The following MALAT1 variants were observed in gnomAD, a reference collection of about 807,000 sequenced individuals.
MALAT1 encodes metastasis associated lung adenocarcinoma transcript 1, also known as hepcarcin.
chr11:65,498,106 G>A lies in MALAT1; in HGVS notation n.178+241G>A, dbSNP rs562756905. The A allele has an allele frequency of 1.3e-5, 7 of 518,904 alleles. No individual in the cohort carries two copies. The East Asian group carries it at 3.3e-4, about 24-fold the overall frequency. The allele number at this position is 518,904 out of a possible 1,614,324, so 32.1% of individuals were successfully genotyped here. ...CCTAACCAGGCATAACACAGAATCT[G>A]CAAAACAAAAACCCCTAAAAAAGCA... On this transcript the variant is annotated intron_variant and non_coding_transcript_variant, in intron 1 of 3. Transcript: ENST00000619449.
At chr11:65,500,276 A>G (rs747212980) in exon 3 of MALAT1, 3 of 518,724 alleles carry the variant, frequency 5.8e-6, no homozygotes, top group African/African-American at 1.9e-5. Context: ...AATGTGAAGG[A>G]CTTTCGTAAC....
At chr11:65,499,050 T>C in exon 3 of MALAT1, 1 of 518,146 alleles carries the variant, frequency 1.9e-6, no homozygotes, top group Non-Finnish European at 3.9e-6. Flanking sequence ...GCGGTAGGCA[T>C]TGAGGCAGCC....
chr11:65,500,702 T>A (rs1436984912), exon 3 of MALAT1: 1 of 518,838 alleles, frequency 1.9e-6, no homozygotes, highest in East Asian at 5.4e-5. Flanking sequence ...GCAGGCGTTG[T>A]GCGTAGAGGA....
At chr11:65,501,134 A>G (rs546886859) in exon 3 of MALAT1, 1 of 512,146 alleles carries the variant, frequency 2.0e-6, no homozygotes, top group Non-Finnish European at 3.9e-6. Context: ...AGTTTTGTGA[A>G]TAGATGACCT....
chr11:65,500,987 T>C (rs1854533090), exon 3 of MALAT1: 1 of 512,834 alleles, frequency 1.9e-6, no homozygotes, highest in Non-Finnish European at 3.9e-6. Flanking sequence ...CCTGGAGAAA[T>C]AGTAGATGGC....
chr11:65,500,330 T>G, exon 3 of MALAT1: 2 of 518,514 alleles, frequency 3.9e-6, no homozygotes, highest in South Asian at 2.8e-5. Flanking sequence ...TTAATGTTTT[T>G]GCATTGGACT....
rs770652125 is a variant in MALAT1, at chr11:65,502,482, T to TTAAGG, written n.3748_3752dup. 7 of 489,770 alleles carry TTAAGG rather than the reference T, an allele frequency of 1.4e-5. No homozygotes were observed. The Admixed American group carries it at 1.7e-4, about 12-fold the overall frequency. 30.3% of individuals were successfully genotyped at this position (489,770 alleles called of 1,614,324 possible). On this transcript the variant is annotated non_coding_transcript_exon_variant, in exon 3 of 4. Coordinates refer to ENST00000619449, the Ensembl canonical transcript of MALAT1. ...CATTGTTTAACTGCAAAACAAGATG[T>TTAAGG]TAAGGTATGCTTCAAAAATTTTGTA...
At chr11:65,504,068 A>G (rs764011543) in intron 3 of MALAT1, 1 of 518,174 alleles carries the variant, frequency 1.9e-6, no homozygotes, top group South Asian at 1.4e-5. Flanking sequence ...AATGTTTTAC[A>G]CTATTGACCT....
At chr11:65,502,380 T>A in exon 3 of MALAT1, 2 of 509,544 alleles carry the variant, frequency 3.9e-6, no homozygotes, top group Non-Finnish European at 7.8e-6. Flanking sequence ...TGATGGTAGC[T>A]TTTGTATTAT....
intron 1 of MALAT1, chr11:65,497,935 C>T (rs761381313): frequency 7.7e-6 from 4 of 518,898 alleles, no homozygotes; most frequent in Admixed American, 1.9e-5. Flanking sequence ...ACGAGTTGTG[C>T]TGCTATCTTA....
chr11:65,500,331 G>T, exon 3 of MALAT1: 1 of 518,270 alleles, frequency 1.9e-6, no homozygotes, highest in Non-Finnish European at 3.9e-6. Context: ...TAATGTTTTT[G>T]CATTGGACTT....
intron 3 of MALAT1, chr11:65,505,801 A>C: frequency 2.0e-6 from 1 of 510,040 alleles, no homozygotes; most frequent in Non-Finnish European, 3.9e-6. Flanking sequence ...GACTAAAACC[A>C]ACTTAAACCA....
exon 3 of MALAT1, chr11:65,503,558 A>G (rs748495766): frequency 1.9e-6 from 1 of 518,256 alleles, no homozygotes; most frequent in South Asian, 1.4e-5. Flanking sequence ...TAAAATTTAC[A>G]TGTTGTGATG....
chr11:65,505,133 G>A, intron 3 of MALAT1: 1 of 519,024 alleles, frequency 1.9e-6, no homozygotes, highest in South Asian at 1.4e-5. Context: ...AACTGTGTTG[G>A]CGTGGGGGTG....
exon 3 of MALAT1, chr11:65,501,094 G>C (rs368013106): frequency 5.8e-5 from 30 of 514,816 alleles, no homozygotes; most frequent in African/African-American, 5.4e-4. Flanking sequence ...TAAGCAGTTT[G>C]TATGTTTAGT....
exon 3 of MALAT1, chr11:65,501,292 C>G (rs779199521): frequency 3.9e-6 from 2 of 518,058 alleles, no homozygotes; most frequent in South Asian, 1.4e-5. Context: ...GTCTAGAATC[C>G]TAAAGGCAAA....
chr11:65,501,686 C>T lies in MALAT1; in HGVS notation n.2949C>T, dbSNP rs186529443. 4.4e-5 allele frequency: 23 copies of T among 518,992 alleles called. No homozygotes were observed. The East Asian group carries it at 1.3e-3, about 28-fold the overall frequency. The allele number at this position is 518,992 out of a possible 1,614,324, so 32.1% of individuals were successfully genotyped here. ...TTCAGGGACTGGAGCTGCTTTTATC[C>T]TTGGAAGAGTATTCCCAGTTGAAGC... is the stretch of plus-strand genomic sequence containing the variant. On this transcript the variant is annotated non_coding_transcript_exon_variant, in exon 3 of 4. Transcript: ENST00000619449.
chr11:65,500,353 T>A (rs778815079), exon 3 of MALAT1: 2 of 518,722 alleles, frequency 3.9e-6, no homozygotes, highest in Non-Finnish European at 7.7e-6. Context: ...GAGTTAAGAT[T>A]ATTTTTTAAA....
At chr11:65,501,224 A>ATTT (rs143530985) in exon 3 of MALAT1, 2 of 229,378 alleles carry the variant, frequency 8.7e-6, no homozygotes, top group Admixed American at 5.1e-5. Flanking sequence ...AGTTTTCAGT[A>ATTT]TTTTTTTTTG....
Sources: allele counts gnomAD v4.1 joint callset, GRCh38; gene constraint gnomAD v4.1.1; transcripts MANE v1.5; gene names NCBI Gene and HGNC (gene_info 2026-07-23, HGNC 2026-07-21).